The following KDM7A variants were observed in gnomAD, a reference collection of about 807,000 sequenced individuals.
KDM7A encodes the protein lysine-specific demethylase 7A.
KDM7A carries 28 observed loss-of-function variants against 114.8 expected under a neutral mutation model. The observed-to-expected ratio is 0.24, with a 90% CI of 0.18 to 0.33. KDM7A has a LOEUF of 0.33. Ranked by LOEUF, KDM7A falls within the 10% of genes least tolerant of loss-of-function variation. The probability of loss-of-function intolerance (pLI) is 1.00; values close to 1 mark genes in which losing one functional copy is unlikely to be tolerated. For missense variants in KDM7A, 942 were observed against 1,142.5 expected, an observed-to-expected ratio of 0.82 and a Z score of 2.53; for synonymous variants, 423 against 397.8, an observed-to-expected ratio of 1.06 and a Z score of -0.75.
chr7:140,091,878 G>T lies in KDM7A; in HGVS notation c.2657C>A (p.Ser886Tyr). The T allele has an allele frequency of 6.2e-7, 1 of 1,613,926 alleles. No homozygotes were observed. ...GGTGGGGTGAAGGGGCACCGAGAAG[G>T]AAGTTTCACCAACTGGCCTTTCTGG... Reference protein sequence around the residue: ...LSPERPVGETSFSVPLHPTKR... With the variant: ...LSPERPVGETYFSVPLHPTKR... Residue 886 changes from serine (S) to tyrosine (Y), a missense_variant, in exon 19 of 20, where the codon TCC becomes TAC. By Grantham distance (144) the Ser-to-Tyr change is moderately radical. Coordinates refer to ENST00000397560, the MANE Select transcript of KDM7A (RefSeq NM_030647.2).
At chr7:140,133,215 G>GAACCA (rs1439929318) in intron 3 of KDM7A, among the ~76,000 whole-genome samples, 1 of 152,164 alleles carries the variant, frequency 6.6e-6, no homozygotes, top group Admixed American at 6.5e-5. Context: ...ATATCATAAG[G>GAACCA]AACCAAGTAC....
At chr7:140,153,248 G>A (rs115662312) in intron 1 of KDM7A, among the ~76,000 whole-genome samples, 2 of 152,046 alleles carry the variant, frequency 1.3e-5, no homozygotes, top group South Asian at 4.2e-4. Context: ...AACCATGCGT[G>A]AGGCCGAGGC....
chr7:140,110,607 A>C (rs1818414795), intron 11 of KDM7A, among the ~76,000 whole-genome samples: 1 of 152,148 alleles, frequency 6.6e-6, no homozygotes, highest in African/African-American at 2.4e-5. Context: ...AATAGCTCTC[A>C]ATTAATAAAT....
intron 9 of KDM7A, among the ~76,000 whole-genome samples, chr7:140,117,490 G>A (rs1818550624): frequency 6.7e-6 from 1 of 148,882 alleles, no homozygotes; most frequent in Admixed American, 6.7e-5. Flanking sequence ...GTGTGTGTTC[G>A]TGGATAGTTT....
intron 2 of KDM7A, among the ~76,000 whole-genome samples, chr7:140,136,713 A>G (rs1818876175): frequency 6.6e-6 from 1 of 152,216 alleles, no homozygotes; most frequent in Admixed American, 6.5e-5. Context: ...CCCAGGTAGC[A>G]AGTAAGACAG....
intron 1 of KDM7A, among the ~76,000 whole-genome samples, chr7:140,165,540 G>A (rs1010040694): frequency 2.0e-5 from 3 of 152,126 alleles, no homozygotes; most frequent in Admixed American, 1.3e-4. Flanking sequence ...AAATATTCCA[G>A]AAACAGACAA....
At chr7:140,100,126 C>CA in intron 12 of KDM7A, 103 bp from the exon 13 acceptor site, 1 of 1,260,696 alleles carries the variant, frequency 7.9e-7, no homozygotes, top group East Asian at 2.3e-5. Flanking sequence ...TCCTGCATCT[C>CA]AAAGATACAG....
At chr7:140,137,876 C>A (rs1246394076) in intron 2 of KDM7A, among the ~76,000 whole-genome samples, 1 of 152,092 alleles carries the variant, frequency 6.6e-6, no homozygotes, top group Non-Finnish European at 1.5e-5. Context: ...AAAAAAGCTG[C>A]ATGTAAAATA....
At chr7:140,132,510 A>C (rs7803116) in intron 3 of KDM7A, among the ~76,000 whole-genome samples, 2 of 152,194 alleles carry the variant, frequency 1.3e-5, no homozygotes, top group Non-Finnish European at 2.9e-5. Flanking sequence ...CCACCACCAG[A>C]AGCAGACTGA....
chr7:140,175,806 C>T (rs1794698015), intron 1 of KDM7A, among the ~76,000 whole-genome samples: 1 of 107,436 alleles, frequency 9.3e-6, no homozygotes, highest in African/African-American at 3.7e-5. Context: ...CCGGCCGACT[C>T]AAGTTCGCCG....
intron 1 of KDM7A, among the ~76,000 whole-genome samples, chr7:140,171,753 G>A (rs998257913): frequency 7.3e-5 from 11 of 151,428 alleles, no homozygotes; most frequent in African/African-American, 2.2e-4. Flanking sequence ...GCCTGTACTT[G>A]AACTTCACAT....
chr7:140,169,275 G>C (rs1005901776), intron 1 of KDM7A, among the ~76,000 whole-genome samples: 3 of 152,176 alleles, frequency 2.0e-5, no homozygotes, highest in African/African-American at 7.2e-5. Flanking sequence ...GGTGGTAGTT[G>C]TTAAGATTAG....
chr7:140,161,365 C>T (rs1053764463), intron 1 of KDM7A, among the ~76,000 whole-genome samples: 9 of 152,206 alleles, frequency 5.9e-5, no homozygotes, highest in African/African-American at 2.2e-4. Flanking sequence ...TTCAAGGATA[C>T]CAGTGGTCCC....
At position 140,099,874 on chromosome 7, in the gene KDM7A, T is replaced by C. The variant is rs757306270; in HGVS notation, c.1763+25A>G. On this transcript the variant is annotated intron_variant, in intron 13 of 19. Transcript: ENST00000397560. ...GGAACCCAATGAAAATTAATCTATT[T>C]GATACTCTGATTTACTTTACATACT... 5.6e-6 allele frequency: 9 copies of C among 1,598,368 alleles called. No homozygotes were observed. The East Asian group carries it at 2.0e-4, about 36-fold the overall frequency.
At chr7:140,171,755 A>C (rs1303564708) in intron 1 of KDM7A, among the ~76,000 whole-genome samples, 1 of 151,608 alleles carries the variant, frequency 6.6e-6, no homozygotes, top group Admixed American at 6.6e-5. Flanking sequence ...CTGTACTTGA[A>C]CTTCACATAA....
At chr7:140,095,591 G>A (rs1249927107) in intron 17 of KDM7A, 2 of 252,514 alleles carry the variant, frequency 7.9e-6, no homozygotes, top group Non-Finnish European at 1.6e-5. Context: ...AGAATTAAGT[G>A]AAATAACCAG....
rs6954425 is a variant in KDM7A at position 140,170,864 on chromosome 7, T to C, written c.194+5880A>G. 3.0e-3 allele frequency among the ~76,000 whole-genome samples: 458 copies of C among 152,262 alleles called. 4 individuals are homozygous for C. The highest frequency in any genetic ancestry group is 0.01 in the African/African-American group (423 of 41,542). The stretch of plus-strand genomic sequence containing the variant: ...TGGCCAAAGTCAACATCATACTCAA[T>C]GACAAAACACAAGAGGCAATCTCAT... On this transcript the variant is annotated intron_variant, in intron 1 of 19. Transcript: ENST00000397560.
intron 12 of KDM7A, among the ~76,000 whole-genome samples, chr7:140,100,545 C>T (rs1818182949): frequency 6.6e-6 from 1 of 151,056 alleles, no homozygotes; most frequent in African/African-American, 2.4e-5. Flanking sequence ...TGATTTTCCC[C>T]TTAATAATAA....
intron 2 of KDM7A, among the ~76,000 whole-genome samples, chr7:140,134,542 C>T (rs2116813819): frequency 6.6e-6 from 1 of 151,918 alleles, no homozygotes; most frequent in African/African-American, 2.4e-5. Context: ...TATCAATGTA[C>T]AATTTCTGTT....
Sources: allele counts gnomAD v4.1 joint callset (sites outside exome capture counted in the v4.1 genomes callset), GRCh38; gene constraint gnomAD v4.1.1; transcripts MANE v1.5; gene names NCBI Gene and HGNC (gene_info 2026-07-23, HGNC 2026-07-21).